The following SUPT3H variants were observed in gnomAD, a reference collection of about 807,000 sequenced individuals.
SUPT3H encodes the protein transcription initiation protein SPT3 homolog.
In SUPT3H, 44 loss-of-function variants were observed where a neutral mutation model predicts 44.3. The ratio of observed to expected loss-of-function variants is 0.99; its 90% CI spans 0.78 to 1.28. The LOEUF is 1.28. Ranked by LOEUF, SUPT3H falls within the 50% of genes most tolerant of loss-of-function variation. The probability of loss-of-function intolerance (pLI) is 0.00; values close to 1 mark genes in which losing one functional copy is unlikely to be tolerated. For synonymous variants in SUPT3H, 124 were observed against 125.6 expected, an observed-to-expected ratio of 0.99 and a Z score of 0.09; for missense variants, 380 against 387.1, an observed-to-expected ratio of 0.98 and a Z score of 0.15.
intron 3 of SUPT3H, among the ~76,000 whole-genome samples, chr6:45,025,781 G>C (rs1583133732): frequency 6.6e-6 from 1 of 151,998 alleles, no homozygotes; most frequent in African/African-American, 2.4e-5. Context: ...TGCTCGGGAG[G>C]CTGAGGCAGG....
At chr6:45,276,538 C>A (rs765274938) in intron 2 of SUPT3H, among the ~76,000 whole-genome samples, 1 of 152,090 alleles carries the variant, frequency 6.6e-6, no homozygotes. Flanking sequence ...TTTTGCAATT[C>A]TTTTCATTTA....
chr6:45,113,460 T>C (rs1800368582), intron 2 of SUPT3H, among the ~76,000 whole-genome samples: 1 of 152,182 alleles, frequency 6.6e-6, no homozygotes, highest in Admixed American at 6.5e-5. Context: ...AAATCTATGA[T>C]TTTACCCACC....
intron 2 of SUPT3H, among the ~76,000 whole-genome samples, chr6:45,237,481 T>C (rs1479395423): frequency 6.6e-6 from 1 of 152,184 alleles, no homozygotes; most frequent in Non-Finnish European, 1.5e-5. Flanking sequence ...AGAGCAATTG[T>C]ACAGCCCTCA....
chr6:45,174,949 G>A (rs1266933709), intron 2 of SUPT3H, among the ~76,000 whole-genome samples: 2 of 142,054 alleles, frequency 1.4e-5, no homozygotes, highest in Non-Finnish European at 3.0e-5. Flanking sequence ...AGGTCAGGGT[G>A]AGAGGATCAC....
At chr6:44,964,266 G>A (rs556481341) in intron 6 of SUPT3H, among the ~76,000 whole-genome samples, 6 of 152,030 alleles carry the variant, frequency 3.9e-5, no homozygotes, top group African/African-American at 1.4e-4. Flanking sequence ...AAACTAGATC[G>A]AGAATGATTA....
At chr6:45,286,182 A>G (rs1166333885) in intron 2 of SUPT3H, among the ~76,000 whole-genome samples, 3 of 151,074 alleles carry the variant, frequency 2.0e-5, no homozygotes, top group Non-Finnish European at 4.4e-5. Context: ...GGACATAGGC[A>G]TGGGCCAGGA....
intron 5 of SUPT3H, among the ~76,000 whole-genome samples, chr6:45,012,586 T>C (rs1466738199): frequency 6.6e-6 from 1 of 152,136 alleles, no homozygotes; most frequent in Non-Finnish European, 1.5e-5. Flanking sequence ...TTATTTCCTT[T>C]AGTTATTTGA....
intron 2 of SUPT3H, among the ~76,000 whole-genome samples, chr6:45,218,144 G>A (rs1765398202): frequency 6.6e-6 from 1 of 152,072 alleles, no homozygotes; most frequent in South Asian, 2.1e-4. Flanking sequence ...GTAATCCTTT[G>A]AAAGCAAAAG....
intron 2 of SUPT3H, among the ~76,000 whole-genome samples, chr6:45,154,502 C>G (rs1807486085): frequency 6.6e-6 from 1 of 152,128 alleles, no homozygotes; most frequent in South Asian, 2.1e-4. Context: ...GAGTAGTCAC[C>G]ATGCTCACAT....
chr6:44,847,768 G>A (rs866852303), intron 10 of SUPT3H, among the ~76,000 whole-genome samples: 6 of 151,940 alleles, frequency 3.9e-5, no homozygotes, highest in East Asian at 3.9e-4. Context: ...GATTACAGGC[G>A]TGAGCCACCA....
intron 2 of SUPT3H, among the ~76,000 whole-genome samples, chr6:45,352,646 A>G (rs2150197954): frequency 6.6e-6 from 1 of 152,306 alleles, no homozygotes; most frequent in Middle Eastern, 3.4e-3. Flanking sequence ...CAAGTAGAGT[A>G]CTATGGAGCA....
chr6:45,304,807 T>C (rs1048032459), intron 2 of SUPT3H, among the ~76,000 whole-genome samples: 2 of 152,200 alleles, frequency 1.3e-5, no homozygotes, highest in Non-Finnish European at 2.9e-5. Flanking sequence ...CCATTATACC[T>C]AGATTCTTTT....
At chr6:45,268,140 A>C (rs943920483) in intron 2 of SUPT3H, among the ~76,000 whole-genome samples, 4 of 152,198 alleles carry the variant, frequency 2.6e-5, no homozygotes, top group African/African-American at 4.8e-5. Context: ...AATGGAAACA[A>C]TTAGTTCCTT....
intron 2 of SUPT3H, among the ~76,000 whole-genome samples, chr6:45,106,831 C>T (rs915113990): frequency 1.3e-5 from 2 of 152,132 alleles, no homozygotes; most frequent in South Asian, 2.1e-4. Context: ...TCACCACGCC[C>T]GCCTTGTACA....
At chr6:45,071,142 C>T (rs1794319785) in intron 3 of SUPT3H, among the ~76,000 whole-genome samples, 1 of 152,022 alleles carries the variant, frequency 6.6e-6, no homozygotes, top group Non-Finnish European at 1.5e-5. Flanking sequence ...ATCTTCATTT[C>T]AGGCAGGTTC....
chr6:45,100,180 A>G (rs1335239654), intron 3 of SUPT3H, among the ~76,000 whole-genome samples: 1 of 152,160 alleles, frequency 6.6e-6, no homozygotes, highest in Non-Finnish European at 1.5e-5. Context: ...TTGTTCTGGG[A>G]AAATATTTCA....
rs548313715 is a variant in SUPT3H, at chr6:45,272,704, G to C, written c.101+92497C>G. On this transcript the variant is annotated intron_variant, in intron 2 of 10. Transcript: ENST00000371459. ...TTGCTCTTGATTGGAGGAAAGACAG[G>C]AGTACCGTCCTGGTGGAGAAGGATT... Among the ~76,000 whole-genome samples, 14 of 152,294 alleles carry C rather than the reference G, an allele frequency of 9.2e-5. No homozygotes were observed. In the South Asian group the frequency reaches 2.9e-3, roughly 32 times the overall value.
downstream of SUPT3H, among the ~76,000 whole-genome samples, chr6:44,826,654 G>A (rs1395061262): frequency 6.6e-6 from 1 of 152,156 alleles, no homozygotes; most frequent in South Asian, 2.1e-4. Context: ...GGAAAGCATT[G>A]CCTGATTTGA....
intron 2 of SUPT3H, among the ~76,000 whole-genome samples, chr6:45,312,019 T>C (rs146105916): frequency 0.018 from 2,666 of 152,264 alleles, 49 homozygotes; most frequent in South Asian, 0.085. Flanking sequence ...GCTCCACTTA[T>C]AACATACAGA....
Sources: allele counts gnomAD v4.1 joint callset (sites outside exome capture counted in the v4.1 genomes callset), GRCh38; gene constraint gnomAD v4.1.1; transcripts MANE v1.5; gene names NCBI Gene and HGNC (gene_info 2026-07-23, HGNC 2026-07-21).